GRID2: variants seen among roughly 807,000 people sequenced by gnomAD.
GRID2 encodes the protein glutamate receptor ionotropic, delta-2.
A neutral mutation model predicts 114.8 loss-of-function variants in GRID2; 33 were observed. That is an observed-to-expected ratio of 0.29 (90% CI 0.22 to 0.38). The LOEUF is 0.38. Ranked by LOEUF, GRID2 falls within the 10% of genes least tolerant of loss-of-function variation. The pLI, the probability that GRID2 is intolerant of heterozygous loss-of-function variation, is 1.00. For synonymous variants in GRID2, 505 were observed against 449.9 expected (o/e 1.12, Z -1.55); for missense variants, 1,184 against 1,257.7 (o/e 0.94, Z 0.89).
chr4:92,343,313 T>C lies in GRID2; in HGVS notation c.88+38569T>C, dbSNP rs541369342. ...ACACATGCTTAGTACTATTATTATA[T>C]ATGTAATATTTACATACTATACATA... On this transcript the variant is annotated intron_variant, in intron 1 of 15. Transcript: ENST00000282020. Among the ~76,000 whole-genome samples, 274 of 151,830 alleles carry C rather than the reference T, an allele frequency of 1.8e-3. 1 individual carries two copies. Among genetic ancestry groups the C allele is most frequent in the African/African-American group, 6.2e-3 (257 of 41,470 alleles).
At chr4:92,590,064 C>A in intron 1 of GRID2, 67 bp from the exon 2 acceptor site, 1 of 1,073,392 alleles carries the variant, frequency 9.3e-7, no homozygotes, top group South Asian at 1.3e-5. Context: ...GTCTCCTTGT[C>A]ATATTTCCAG....
At position 92,432,386 on chromosome 4, in the gene GRID2, G is replaced by A. The variant is rs1384213294; in HGVS notation, c.88+127642G>A. Among the ~76,000 whole-genome samples the A allele has an allele frequency of 2.6e-5, 4 of 152,092 alleles. No homozygotes were observed. In the East Asian group the frequency reaches 7.7e-4, roughly 29 times the overall value. ...CCAGAAATGCCGTTTGGGGACCAAG[G>A]CCTGAGTCACAAACCTTAGGAATCT... is the stretch of plus-strand genomic sequence containing the variant. On this transcript the variant is annotated intron_variant, in intron 1 of 15. Coordinates refer to ENST00000282020, the MANE Select transcript of GRID2 (RefSeq NM_001510.4).
chr4:92,942,924 T>G (rs1751281779), intron 2 of GRID2, among the ~76,000 whole-genome samples: 1 of 152,248 alleles, frequency 6.6e-6, no homozygotes, highest in Admixed American at 6.5e-5. Context: ...TTGTAGAGTT[T>G]CTGCCGAGAG....
intron 14 of GRID2, among the ~76,000 whole-genome samples, chr4:93,691,637 T>C (rs934186547): frequency 2.0e-5 from 3 of 152,090 alleles, no homozygotes; most frequent in African/African-American, 7.2e-5. Flanking sequence ...TGTAACTTAA[T>C]TGATGCTTAA....
chr4:93,370,317 T>A (rs1031652645), intron 8 of GRID2, among the ~76,000 whole-genome samples: 1 of 151,984 alleles, frequency 6.6e-6, no homozygotes, highest in Non-Finnish European at 1.5e-5. Context: ...TCCCTGTCCT[T>A]GTCTGCAGAT....
At chr4:93,677,073 C>G (rs1270349725) in intron 14 of GRID2, among the ~76,000 whole-genome samples, 1 of 152,112 alleles carries the variant, frequency 6.6e-6, no homozygotes, top group African/African-American at 2.4e-5. Context: ...TCACTCCCAC[C>G]CAAATACTGC....
chr4:93,049,136 G>A (rs950917773), intron 2 of GRID2, among the ~76,000 whole-genome samples: 3 of 151,934 alleles, frequency 2.0e-5, no homozygotes, highest in Admixed American at 1.3e-4. Flanking sequence ...GCTCCACAAA[G>A]CATTATAGAA....
In GRID2 at chr4:92,840,147, A is replaced by G. The variant is rs762087799; in HGVS notation, c.245-244848A>G. 7.0e-4 allele frequency among the ~76,000 whole-genome samples: 106 copies of G among 152,004 alleles called. 1 individual carries two copies. Among genetic ancestry groups the G allele is most frequent in the Non-Finnish European group, 1.0e-3 (70 of 67,960 alleles). Reference sequence around the variant, plus strand: ...AATATAAGTATAGTGACTCCTGCTTATATTTCCATTGCTATGAAATATATA... The same window carrying G: ...AATATAAGTATAGTGACTCCTGCTTGTATTTCCATTGCTATGAAATATATA... On this transcript the variant is annotated intron_variant, in intron 2 of 15. Transcript: ENST00000282020.
intron 1 of GRID2, among the ~76,000 whole-genome samples, chr4:92,381,891 C>T (rs868345215): frequency 6.6e-6 from 1 of 151,786 alleles, no homozygotes; most frequent in Non-Finnish European, 1.5e-5. Flanking sequence ...CTTAGTCATC[C>T]ACAGGAAATG....
intron 8 of GRID2, among the ~76,000 whole-genome samples, chr4:93,334,449 A>G (rs980708358): frequency 3.3e-5 from 5 of 152,322 alleles, no homozygotes; most frequent in African/African-American, 1.2e-4. Flanking sequence ...CTCTAGGACA[A>G]TTTATATGGA....
intron 14 of GRID2, among the ~76,000 whole-genome samples, chr4:93,702,798 A>G (rs1727626567): frequency 6.6e-6 from 1 of 152,198 alleles, no homozygotes; most frequent in South Asian, 2.1e-4. Flanking sequence ...CAGTAAACCA[A>G]GTTTATAAAA....
intron 13 of GRID2, among the ~76,000 whole-genome samples, chr4:93,556,005 C>A (rs968418175): frequency 9.2e-5 from 14 of 152,140 alleles, no homozygotes; most frequent in African/African-American, 3.4e-4. Flanking sequence ...AGCAGACCTG[C>A]AGCAGAAGGG....
intron 14 of GRID2, among the ~76,000 whole-genome samples, chr4:93,683,399 C>A (rs773114113): frequency 6.6e-6 from 1 of 152,006 alleles, no homozygotes; most frequent in Non-Finnish European, 1.5e-5. Flanking sequence ...ATAAGAAAAG[C>A]AAGTTTTAGA....
chr4:93,282,752 A>G (rs1724968579), intron 8 of GRID2, among the ~76,000 whole-genome samples: 1 of 152,034 alleles, frequency 6.6e-6, no homozygotes, highest in Non-Finnish European at 1.5e-5. Flanking sequence ...GGTAATTTAT[A>G]AAGAAAAGAG....
intron 2 of GRID2, among the ~76,000 whole-genome samples, chr4:92,910,940 G>T (rs1033952616): frequency 6.6e-6 from 1 of 151,984 alleles, no homozygotes; most frequent in Non-Finnish European, 1.5e-5. Context: ...CATGGATATG[G>T]AGGACCAACT....
intron 1 of GRID2, among the ~76,000 whole-genome samples, chr4:92,544,786 A>C (rs757448945): frequency 3.9e-5 from 6 of 152,164 alleles, no homozygotes; most frequent in Admixed American, 1.3e-4. Context: ...TAACACATGC[A>C]TAGTATTTGT....
At chr4:92,545,460 C>T (rs1480210520) in intron 1 of GRID2, among the ~76,000 whole-genome samples, 1 of 152,094 alleles carries the variant, frequency 6.6e-6, no homozygotes, top group African/African-American at 2.4e-5. Context: ...CCAGTGAATT[C>T]AGGTTAAATT....
At chr4:93,533,245 TCTTCCTTCCTTCCTTC>T (rs755045834) in intron 13 of GRID2, among the ~76,000 whole-genome samples, 16,366 of 105,620 alleles carry the variant, frequency 0.15, 1,685 homozygotes, top group Middle Eastern at 0.2. Flanking sequence ...TTTCTTTCTC[TCTTCCTTCCTTCCTTC>T]CTTCCTTCCT....
chr4:93,000,568 A>G (rs577098712), intron 2 of GRID2, among the ~76,000 whole-genome samples: 26 of 151,800 alleles, frequency 1.7e-4, no homozygotes, highest in Middle Eastern at 3.4e-3. Flanking sequence ...AAAAATTAAA[A>G]TGTTATTTTG....
Sources: gnomAD v4.1 joint callset for allele counts (sites outside exome capture counted in the v4.1 genomes callset) on GRCh38, gnomAD v4.1.1 for gene constraint, MANE v1.5 for transcripts, NCBI Gene and HGNC (gene_info 2026-07-23, HGNC 2026-07-21) for gene names.